The following GRIK3 variants were observed in gnomAD, a reference collection of about 807,000 sequenced individuals.
The protein encoded by GRIK3 is glutamate receptor ionotropic, kainate 3.
GRIK3 carries 29 observed loss-of-function variants against 102.5 expected under a neutral mutation model. The ratio of observed to expected loss-of-function variants is 0.28; its 90% confidence interval spans 0.21 to 0.39. The LOEUF (loss-of-function observed/expected upper bound fraction) is 0.39, where lower values mean the gene tolerates loss of function less well. Among genes scored for constraint, GRIK3 ranks in the 10% least tolerant of loss-of-function variants. The probability of loss-of-function intolerance (pLI) is 1.00; values close to 1 mark genes in which losing one functional copy is unlikely to be tolerated. For missense variants in GRIK3, 908 were observed against 1,252.4 expected, an observed-to-expected ratio of 0.73 and a Z score of 4.15; for synonymous variants, 511 against 504.9, an observed-to-expected ratio of 1.01 and a Z score of -0.16.
rs1640850965 is a variant in GRIK3, at chr1:36,872,239, G to C, written c.681C>G (p.Phe227Leu). Reference sequence around the variant, plus strand: ...TGTGGCTGCAGTCGAAGATAATGCGGAATTCCCGGCCTCGCTTCATCTCCT... The same window carrying C: ...TGTGGCTGCAGTCGAAGATAATGCGCAATTCCCGGCCTCGCTTCATCTCCT... ...LLKEMKRGRE[F>L]RIIFDCSHTM... The change falls in exon 4 of 16, where the codon TTC becomes TTG. Residue 227 changes from phenylalanine to leucine, a missense_variant. Physicochemically the swap from Phe to Leu is conservative, Grantham distance 22 (BLOSUM62 0). Around this residue, in one of 3 missense-constraint regions of GRIK3, gnomAD observed 585 missense variants for 824.9 expected, o/e 0.71. Coordinates refer to ENST00000373091, the MANE Select transcript of GRIK3 (RefSeq NM_000831.4). The surrounding 1 kb of genome is among the most constrained non-coding windows in gnomAD (Gnocchi z 5.9). 1 of 1,612,270 alleles carries C rather than the reference G, an allele frequency of 6.2e-7. No homozygotes were observed.
intron 1 of GRIK3, among the ~76,000 whole-genome samples, chr1:36,914,727 G>C (rs1300129166): frequency 6.6e-6 from 1 of 152,164 alleles, no homozygotes; most frequent in Non-Finnish European, 1.5e-5. Flanking sequence ...CAGCCCAACG[G>C]GCCCCACCAA....
chr1:37,021,067 CA>C (rs545073238), intron 1 of GRIK3, among the ~76,000 whole-genome samples: 208 of 150,262 alleles, frequency 1.4e-3, no homozygotes, highest in African/African-American at 4.8e-3. Flanking sequence ...CTTAAGACTG[CA>C]AATGTAAAAC....
At chr1:36,830,810 CAAAAAAAAAAAA>C (rs948901521) in intron 10 of GRIK3, among the ~76,000 whole-genome samples, 6 of 41,354 alleles carry the variant, frequency 1.5e-4, no homozygotes, top group Non-Finnish European at 2.5e-4. Context: ...GACTCTGTCT[CAAAAAAAAAAAA>C]AAAAAAAAAA....
chr1:36,814,717 T>G (rs1642605012), intron 13 of GRIK3, among the ~76,000 whole-genome samples: 1 of 151,930 alleles, frequency 6.6e-6, no homozygotes, highest in Non-Finnish European at 1.5e-5. Flanking sequence ...TACACACACA[T>G]GCCTGCACAG....
chr1:36,982,072 T>C (rs1049473959), intron 1 of GRIK3, among the ~76,000 whole-genome samples: 6 of 152,182 alleles, frequency 3.9e-5, no homozygotes, highest in Admixed American at 3.9e-4. Flanking sequence ...CTCCGGCTCC[T>C]GAATCCCACT....
chr1:37,026,752 C>A (rs1009583723), intron 1 of GRIK3, among the ~76,000 whole-genome samples: 10 of 152,226 alleles, frequency 6.6e-5, no homozygotes, highest in African/African-American at 2.4e-4. Flanking sequence ...AGCAAGTACA[C>A]ATTGGACTCA....
intron 1 of GRIK3, among the ~76,000 whole-genome samples, chr1:37,032,784 C>G (rs1233235825): frequency 6.6e-6 from 1 of 152,150 alleles, no homozygotes; most frequent in East Asian, 1.9e-4. Context: ...GTCCGGCTCC[C>G]GGGCGGCCGC....
Position 37,029,245 on chromosome 1 carries a change from C to T in GRIK3, c.115+4749G>A, listed in dbSNP as rs523236. Among the ~76,000 whole-genome samples, 582 of 152,350 alleles carry T rather than the reference C, an allele frequency of 3.8e-3. 7 individuals carry two copies. Among genetic ancestry groups the T allele is most frequent in the African/African-American group, 0.013 (551 of 41,584 alleles). On this transcript the variant is annotated intron_variant, in intron 1 of 15. Transcript: ENST00000373091. ...TAGTGCATCTGTCTTCCCAGAGCTG[C>T]AGCCCTACCACACTGGCCTCTGGAG...
At chr1:36,951,752 G>A (rs955600997) in intron 1 of GRIK3, among the ~76,000 whole-genome samples, 1 of 152,046 alleles carries the variant, frequency 6.6e-6, no homozygotes, top group African/African-American at 2.4e-5. Flanking sequence ...GGGGGAGGGA[G>A]AAGGAGAAGA....
intron 10 of GRIK3, among the ~76,000 whole-genome samples, chr1:36,839,772 C>T (rs1341648242): frequency 6.6e-6 from 1 of 152,152 alleles, no homozygotes; most frequent in Non-Finnish European, 1.5e-5. Flanking sequence ...TGCTCTTGAC[C>T]ATTTGAGTCT....
At chr1:36,814,818 G>C (rs1642606158) in intron 13 of GRIK3, among the ~76,000 whole-genome samples, 1 of 151,966 alleles carries the variant, frequency 6.6e-6, no homozygotes, top group South Asian at 2.1e-4. Context: ...TATTTTCTCT[G>C]TACCCATATA....
chr1:37,034,124 AGCGTGCCCGGGGCGCGGCCGT>A lies in GRIK3; in HGVS notation c.-37_-17del. The A allele has an allele frequency of 7.0e-7, 1 of 1,437,278 alleles. No individual in the cohort carries two copies. Among genetic ancestry groups the A allele is most frequent in the South Asian group, 1.2e-5 (1 of 82,200 alleles). 89.0% of individuals were successfully genotyped at this position (1,437,278 alleles called of 1,614,324 possible). ...GAGCGGTCATCGTTGGGCGCCGCCGAGCGTGCCCGGGGCGCGGCCGTGGCGGGCTCCCTGGGGCGGCAGCTC... is the reference window on the plus strand; with the variant it reads ...GAGCGGTCATCGTTGGGCGCCGCCGAGGCGGGCTCCCTGGGGCGGCAGCTC... On this transcript the variant is annotated 5_prime_UTR_variant, in exon 1 of 16. Transcript: ENST00000373091.
chr1:36,855,507 G>A (rs543232489), intron 7 of GRIK3, among the ~76,000 whole-genome samples: 1 of 152,330 alleles, frequency 6.6e-6, no homozygotes, highest in African/African-American at 2.4e-5. Context: ...TCAGGCAGTG[G>A]GGCTGTGCTT....
chr1:36,819,565 T>C lies in GRIK3; in HGVS notation c.1873+171A>G, dbSNP rs1483947121. Among the ~76,000 whole-genome samples, 1 of 152,194 alleles carries C rather than the reference T, an allele frequency of 6.6e-6. No individual in the cohort carries two copies. Among genetic ancestry groups the C allele is most frequent in the African/African-American group, 2.4e-5 (1 of 41,450 alleles). ...AGAGTGAAGGTGGAAGTTAGGGGTC[T>C]GGGGCAAGGGCACACACCTGGGTAT... On this transcript the variant is annotated intron_variant, in intron 12 of 15. Transcript: ENST00000373091. The surrounding 1 kb of genome is among the most constrained non-coding windows in gnomAD (Gnocchi z 4.1).
At chr1:36,848,785 GTTT>G (rs745603404) in intron 9 of GRIK3, among the ~76,000 whole-genome samples, 1 of 140,568 alleles carries the variant, frequency 7.1e-6, no homozygotes, top group Non-Finnish European at 1.5e-5. Context: ...TACATCACAG[GTTT>G]TTTTTTTTTT....
chr1:36,836,149 A>G (rs1640375738), intron 10 of GRIK3, among the ~76,000 whole-genome samples: 1 of 152,202 alleles, frequency 6.6e-6, no homozygotes, highest in Non-Finnish European at 1.5e-5. Flanking sequence ...GCTTGGGCAG[A>G]GCATTTCCTG....
chr1:36,920,393 T>TA (rs1435770436), intron 1 of GRIK3, among the ~76,000 whole-genome samples: 1 of 152,122 alleles, frequency 6.6e-6, no homozygotes, highest in Non-Finnish European at 1.5e-5. Flanking sequence ...GGGTGTGCCT[T>TA]ACCTGCTCCA....
chr1:36,945,840 T>C (rs1641777799), intron 1 of GRIK3, among the ~76,000 whole-genome samples: 1 of 152,196 alleles, frequency 6.6e-6, no homozygotes, highest in Non-Finnish European at 1.5e-5. Context: ...TGTTCTGCTC[T>C]TCCTACCACC....
chr1:36,964,843 C>T (rs189621075), intron 1 of GRIK3, among the ~76,000 whole-genome samples: 1 of 152,336 alleles, frequency 6.6e-6, no homozygotes, highest in East Asian at 1.9e-4. Flanking sequence ...GACAAATGTC[C>T]TGTGGGGGAG....
Sources: gnomAD v4.1 joint callset for allele counts (sites outside exome capture counted in the v4.1 genomes callset) on GRCh38, gnomAD v4.1.1 for gene constraint, gnomAD v4.1.1 regional missense constraint, Gnocchi (gnomAD v3.1) non-coding constraint, MANE v1.5 for transcripts, NCBI Gene and HGNC (gene_info 2026-07-23, HGNC 2026-07-21) for gene names.